Variants in GRK3 observed in about 807,000 individuals in gnomAD.
GRK3 encodes the protein G protein-coupled receptor kinase 3.
Under a neutral mutation model 95.7 loss-of-function variants are expected in GRK3, and 54 were observed. The ratio of observed to expected loss-of-function variants is 0.56; its 90% CI spans 0.45 to 0.71. GRK3 has a LOEUF of 0.71. Among genes scored for constraint, GRK3 ranks in the 30% least tolerant of loss-of-function variants. The probability of loss-of-function intolerance (pLI) is 0.00; values close to 1 mark genes in which losing one functional copy is unlikely to be tolerated. For missense variants in GRK3, 649 were observed against 851.2 expected (o/e 0.76, Z 2.96); for synonymous variants, 281 against 290.8 (o/e 0.97, Z 0.34).
chr22:25,697,775 T>G (rs2085221216), intron 13 of GRK3, among the ~76,000 whole-genome samples: 1 of 152,224 alleles, frequency 6.6e-6, no homozygotes, highest in Non-Finnish European at 1.5e-5. Flanking sequence ...GATAGCAGGC[T>G]CCTTGTCACT....
intron 1 of GRK3, among the ~76,000 whole-genome samples, chr22:25,579,917 G>A (rs1020069094): frequency 5.3e-5 from 8 of 152,204 alleles, no homozygotes; most frequent in African/African-American, 1.7e-4. Flanking sequence ...ATGAAAGATT[G>A]ATGGGGAATT....
chr22:25,623,583 C>A (rs2084603713), intron 2 of GRK3, among the ~76,000 whole-genome samples: 1 of 152,202 alleles, frequency 6.6e-6, no homozygotes. Flanking sequence ...AAATACCTCA[C>A]TAATTATCTC....
chr22:25,644,150 TGTTTG>T (rs761428726), intron 2 of GRK3, among the ~76,000 whole-genome samples: 2 of 151,340 alleles, frequency 1.3e-5, no homozygotes, highest in African/African-American at 2.4e-5. Context: ...TTTTTTTGTT[TGTTTG>T]TTTTTTTTTT....
intron 3 of GRK3, among the ~76,000 whole-genome samples, chr22:25,658,005 A>G (rs1344573205): frequency 6.6e-6 from 1 of 150,698 alleles, no homozygotes; most frequent in Non-Finnish European, 1.5e-5. Flanking sequence ...TCTATTTTTT[A>G]CTTCTGACAT....
At chr22:25,687,800 T>C in intron 11 of GRK3, 133 bp downstream of exon 11, 1 of 970,260 alleles carries the variant, frequency 1.0e-6, no homozygotes, top group Non-Finnish European at 1.5e-6. Flanking sequence ...AGTCATTAGC[T>C]ATATGACATT....
At chr22:25,679,611 G>T (rs1229163561) in intron 9 of GRK3, among the ~76,000 whole-genome samples, 1 of 152,134 alleles carries the variant, frequency 6.6e-6, no homozygotes, top group East Asian at 1.9e-4. Flanking sequence ...TTATGTGTCT[G>T]TACAGATGCC....
chr22:25,694,232 C>T (rs2085188870), intron 12 of GRK3, among the ~76,000 whole-genome samples: 2 of 152,170 alleles, frequency 1.3e-5, no homozygotes, highest in Non-Finnish European at 2.9e-5. Context: ...ACCCATTTTA[C>T]TGATGAAGAA....
At chr22:25,690,432 A>G (rs772101317) in intron 12 of GRK3, 149 bp downstream of exon 12, 1 of 634,408 alleles carries the variant, frequency 1.6e-6, no homozygotes, top group African/African-American at 1.8e-5. Context: ...GGAGATAAGA[A>G]CAGGATGCCT....
chr22:25,704,248 A>G, intron 15 of GRK3, 39 bp downstream of exon 15: 3 of 1,442,210 alleles, frequency 2.1e-6, no homozygotes, highest in Non-Finnish European at 2.9e-6. Flanking sequence ...CTTTACCAGA[A>G]GAGCAAAATA....
chr22:25,672,763 C>A (rs750026723), intron 7 of GRK3, among the ~76,000 whole-genome samples: 1 of 151,722 alleles, frequency 6.6e-6, no homozygotes, highest in Non-Finnish European at 1.5e-5. Flanking sequence ...TTTATCAGAC[C>A]AAGGCTTCAT....
intron 19 of GRK3, among the ~76,000 whole-genome samples, chr22:25,720,008 T>C (rs1195111833): frequency 6.6e-6 from 1 of 152,186 alleles, no homozygotes; most frequent in Non-Finnish European, 1.5e-5. Flanking sequence ...ATCTAGGATC[T>C]AAGTTCCAAT....
intron 14 of GRK3, 65 bp downstream of exon 14, chr22:25,703,641 TA>T: frequency 6.0e-6 from 7 of 1,172,598 alleles, no homozygotes; most frequent in South Asian, 2.8e-5. Flanking sequence ...CCGTCAATAA[TA>T]AAAAAATGCT....
chr22:25,566,763 TC>T (rs1203496403), intron 1 of GRK3, among the ~76,000 whole-genome samples: 1 of 152,200 alleles, frequency 6.6e-6, no homozygotes, highest in Non-Finnish European at 1.5e-5. Flanking sequence ...ACTGTACATT[TC>T]TAATGTGGTA....
chr22:25,650,129 T>G (rs1349800874), intron 3 of GRK3, among the ~76,000 whole-genome samples: 1 of 151,774 alleles, frequency 6.6e-6, no homozygotes, highest in Non-Finnish European at 1.5e-5. Flanking sequence ...GTAGCTGGGA[T>G]TACAGGTAGC....
chr22:25,624,277 T>A (rs985549084), intron 2 of GRK3, among the ~76,000 whole-genome samples: 1 of 152,118 alleles, frequency 6.6e-6, no homozygotes, highest in Non-Finnish European at 1.5e-5. Flanking sequence ...AAAACCCTGA[T>A]TTCTGGCCAG....
chr22:25,690,263 A>G lies in GRK3; in HGVS notation c.1032A>G (p.Lys344=). 1 of 1,613,844 alleles carries G rather than the reference A, an allele frequency of 6.2e-7. No homozygotes were observed. Residue 344 remains lysine (K), a synonymous_variant, in exon 12 of 21, where the codon AAA becomes AAG. Transcript: ENST00000324198. ...TTGGTCTTGCCTGCGATTTTTCCAAAAAGAAGCCTCATGCGAGTGTGTAAG... is the reference window on the plus strand; with the variant it reads ...TTGGTCTTGCCTGCGATTTTTCCAAGAAGAAGCCTCATGCGAGTGTGTAAG... ...SDLGLACDFS[K]KKPHASVGTH...
At chr22:25,721,042 C>G (rs1028445970) in intron 19 of GRK3, among the ~76,000 whole-genome samples, 1 of 152,180 alleles carries the variant, frequency 6.6e-6, no homozygotes, top group African/African-American at 2.4e-5. Context: ...GTTGAGGGAA[C>G]AGCTTTGCCG....
At chr22:25,626,054 G>A (rs1413282457) in intron 2 of GRK3, among the ~76,000 whole-genome samples, 1 of 152,152 alleles carries the variant, frequency 6.6e-6, no homozygotes, top group African/African-American at 2.4e-5. Flanking sequence ...TTATCTCTTT[G>A]TCTTGTGTCT....
chr22:25,636,546 C>G (rs1458367428), intron 2 of GRK3, among the ~76,000 whole-genome samples: 1 of 152,188 alleles, frequency 6.6e-6, no homozygotes, highest in Non-Finnish European at 1.5e-5. Context: ...AACCTACTAG[C>G]TAGAGTTAAT....
Sources: allele counts gnomAD v4.1 joint callset (sites outside exome capture counted in the v4.1 genomes callset), GRCh38; gene constraint gnomAD v4.1.1; transcripts MANE v1.5; gene names NCBI Gene and HGNC (gene_info 2026-07-23, HGNC 2026-07-21).